Variants in LNX1 observed in about 807,000 individuals in gnomAD.
The protein encoded by LNX1 is ligand of numb-protein X 1, also known as E3 ubiquitin-protein ligase LNX.
Under a neutral mutation model 68.4 loss-of-function variants are expected in LNX1, and 54 were observed. The ratio of observed to expected loss-of-function variants is 0.79; its 90% CI spans 0.63 to 0.99. LNX1 has a LOEUF of 0.99. LNX1 is among the 50% of genes least tolerant of loss of function. LNX1 has a pLI of 0.00. For missense variants in LNX1, 906 were observed against 926.4 expected, an observed-to-expected ratio of 0.98 and a Z score of 0.29; for synonymous variants, 336 against 350.0, an observed-to-expected ratio of 0.96 and a Z score of 0.45.
intron 2 of LNX1, among the ~76,000 whole-genome samples, chr4:53,614,078 C>T (rs1193746994): frequency 2.6e-5 from 4 of 152,160 alleles, no homozygotes; most frequent in Non-Finnish European, 5.9e-5. Context: ...TGATGATGAG[C>T]TTCTTTTCAT....
intron 2 of LNX1, among the ~76,000 whole-genome samples, chr4:53,535,819 T>G (rs1728333505): frequency 6.6e-6 from 1 of 152,232 alleles, no homozygotes; most frequent in African/African-American, 2.4e-5. Context: ...ATTCATCTGT[T>G]GGCACAGTTC....
intron 1 of LNX1, among the ~76,000 whole-genome samples, chr4:53,637,900 C>A (rs1256549763): frequency 6.6e-6 from 1 of 152,182 alleles, no homozygotes; most frequent in Non-Finnish European, 1.5e-5. Context: ...CAATGGACTC[C>A]ACCCAACCAG....
chr4:53,547,880 G>C (rs551381186), intron 2 of LNX1, among the ~76,000 whole-genome samples: 2 of 152,228 alleles, frequency 1.3e-5, no homozygotes, highest in Non-Finnish European at 2.9e-5. Flanking sequence ...ATATGGTTCG[G>C]GGGTCCTGGC....
intron 2 of LNX1, among the ~76,000 whole-genome samples, chr4:53,604,409 G>T (rs1733144799): frequency 6.6e-6 from 1 of 152,210 alleles, no homozygotes; most frequent in African/African-American, 2.4e-5. Flanking sequence ...GAAAAGTGAT[G>T]AATTCTCTAG....
intron 1 of LNX1, among the ~76,000 whole-genome samples, chr4:53,629,561 C>T (rs965787004): frequency 6.6e-6 from 1 of 152,244 alleles, no homozygotes; most frequent in African/African-American, 2.4e-5. Flanking sequence ...GCACCACAAA[C>T]TGCAGCCCTG....
chr4:53,557,252 T>G (rs943695843), intron 2 of LNX1, among the ~76,000 whole-genome samples: 2 of 152,170 alleles, frequency 1.3e-5, no homozygotes, highest in East Asian at 3.9e-4. Context: ...TGGCTACAAT[T>G]TGCTCCAGAC....
chr4:53,620,298 C>T (rs1308917634), upstream of LNX1, among the ~76,000 whole-genome samples: 2 of 152,200 alleles, frequency 1.3e-5, no homozygotes, highest in East Asian at 3.9e-4. Flanking sequence ...TATAATTTTG[C>T]ATTATAACCT....
At chr4:53,548,055 G>A (rs909113931) in intron 2 of LNX1, among the ~76,000 whole-genome samples, 1 of 151,774 alleles carries the variant, frequency 6.6e-6, no homozygotes, top group African/African-American at 2.4e-5. Flanking sequence ...GTGGTTGGGG[G>A]TGGTGGGCCT....
intron 1 of LNX1, among the ~76,000 whole-genome samples, chr4:53,578,914 A>G (rs1242130556): frequency 2.0e-5 from 3 of 152,208 alleles, no homozygotes; most frequent in Non-Finnish European, 4.4e-5. Flanking sequence ...AGAACCAGGT[A>G]GACTTAAAAA....
chr4:53,527,136 A>ATTGGGAACTAAAATATTCAGTTTTC (rs1205337553), intron 2 of LNX1, among the ~76,000 whole-genome samples: 12 of 151,658 alleles, frequency 7.9e-5, no homozygotes, highest in African/African-American at 2.7e-4. Flanking sequence ...GAAATATACT[A>ATTGGGAACTAAAATATTCAGTTTTC]TTGGGAACTA....
At chr4:53,512,207 C>A (rs1726395638) in intron 2 of LNX1, among the ~76,000 whole-genome samples, 1 of 134,850 alleles carries the variant, frequency 7.4e-6, no homozygotes, top group South Asian at 2.8e-4. Context: ...AAAAGGCTGG[C>A]CCAGTGTCCC....
intron 6 of LNX1, among the ~76,000 whole-genome samples, chr4:53,492,876 A>C (rs1724799257): frequency 6.6e-6 from 1 of 152,130 alleles, no homozygotes; most frequent in Non-Finnish European, 1.5e-5. Flanking sequence ...GGAAGATATG[A>C]AGCAGGCATC....
At chr4:53,585,171 T>G (rs560391562) in intron 1 of LNX1, among the ~76,000 whole-genome samples, 1 of 152,366 alleles carries the variant, frequency 6.6e-6, no homozygotes, top group African/African-American at 2.4e-5. Flanking sequence ...ATGTGTTTAC[T>G]AATGCAATCT....
At chr4:53,519,010 G>T (rs921592046) in intron 2 of LNX1, among the ~76,000 whole-genome samples, 1 of 152,186 alleles carries the variant, frequency 6.6e-6, no homozygotes, top group Non-Finnish European at 1.5e-5. Flanking sequence ...ACACTGCCAG[G>T]CCTCTGTCCT....
intron 9 of LNX1, among the ~76,000 whole-genome samples, chr4:53,467,726 G>A (rs1439975017): frequency 2.0e-5 from 3 of 152,232 alleles, no homozygotes; most frequent in Non-Finnish European, 1.5e-5. Flanking sequence ...CGATCAACTG[G>A]AAGAAAGGGT....
chr4:53,575,028 C>A (rs1398352683), intron 1 of LNX1, among the ~76,000 whole-genome samples: 1 of 151,644 alleles, frequency 6.6e-6, no homozygotes, highest in Admixed American at 6.6e-5. Flanking sequence ...GTTGCCCAGG[C>A]TGGAGTGCAG....
intron 9 of LNX1, among the ~76,000 whole-genome samples, chr4:53,474,353 AT>A (rs1401924835): frequency 6.6e-6 from 1 of 152,188 alleles, no homozygotes; most frequent in Non-Finnish European, 1.5e-5. Context: ...TATAAGTAAA[AT>A]TTTATTGGAA....
intron 1 of LNX1, among the ~76,000 whole-genome samples, chr4:53,589,719 T>C (rs1051729951): frequency 6.6e-6 from 1 of 152,228 alleles, no homozygotes; most frequent in African/African-American, 2.4e-5. Context: ...CTATGTCCAC[T>C]TGAACCAATG....
At chr4:53,530,650 A>G (rs573138484) in intron 2 of LNX1, among the ~76,000 whole-genome samples, 2 of 152,342 alleles carry the variant, frequency 1.3e-5, no homozygotes, top group Admixed American at 1.3e-4. Flanking sequence ...TCAGAGTAAA[A>G]AAAGTAGTAT....
Sources: gnomAD v4.1 joint callset for allele counts (sites outside exome capture counted in the v4.1 genomes callset) on GRCh38, gnomAD v4.1.1 for gene constraint, MANE v1.5 for transcripts, NCBI Gene and HGNC (gene_info 2026-07-23, HGNC 2026-07-21) for gene names.